The following NRXN3 variants were observed in gnomAD, a reference collection of about 807,000 sequenced individuals.
The protein encoded by NRXN3 is neurexin III.
A neutral mutation model predicts 137.6 loss-of-function variants in NRXN3; 32 were observed. The ratio of observed to expected loss-of-function variants is 0.23; its 90% CI spans 0.18 to 0.31. NRXN3 has a LOEUF of 0.31. NRXN3 is among the 10% of genes least tolerant of loss of function. The pLI is 1.00. For synonymous variants in NRXN3, 798 were observed against 784.5 expected (o/e 1.02, Z -0.29); for missense variants, 1,574 against 2,062.5 (o/e 0.76, Z 4.59).
At chr14:78,847,855 CTT>C (rs537262870) in intron 10 of NRXN3, among the ~76,000 whole-genome samples, 22 of 152,168 alleles carry the variant, frequency 1.4e-4, no homozygotes, top group Non-Finnish European at 2.5e-4. Context: ...TCTATATACA[CTT>C]TTTCAAAGAA....
At chr14:79,727,412 A>T (rs2154068981) in intron 19 of NRXN3, among the ~76,000 whole-genome samples, 1 of 152,294 alleles carries the variant, frequency 6.6e-6, no homozygotes, top group South Asian at 2.1e-4. Context: ...TCCTCTCAAG[A>T]TCTACCCAGT....
chr14:78,252,261 C>T (rs2068753399), intron 2 of NRXN3, among the ~76,000 whole-genome samples: 1 of 151,752 alleles, frequency 6.6e-6, no homozygotes, highest in Non-Finnish European at 1.5e-5. Context: ...TGTGACAAAA[C>T]TTACTTTGCA....
intron 4 of NRXN3, among the ~76,000 whole-genome samples, chr14:78,433,118 C>T (rs968006558): frequency 6.6e-6 from 1 of 152,102 alleles, no homozygotes; most frequent in Admixed American, 6.6e-5. Flanking sequence ...CTGGGAAGAA[C>T]CCCTATCCAA....
chr14:78,232,012 C>A (rs971017365), intron 1 of NRXN3, among the ~76,000 whole-genome samples: 1 of 152,248 alleles, frequency 6.6e-6, no homozygotes, highest in African/African-American at 2.4e-5. Context: ...TCAGCCTTCA[C>A]CCCCATTGTA....
chr14:79,501,356 T>C (rs1218669262), intron 16 of NRXN3, among the ~76,000 whole-genome samples: 1 of 152,134 alleles, frequency 6.6e-6, no homozygotes, highest in East Asian at 1.9e-4. Flanking sequence ...GAAGATCTTG[T>C]TCTGTTTTTA....
intron 16 of NRXN3, among the ~76,000 whole-genome samples, chr14:79,616,100 C>T (rs753293136): frequency 1.3e-5 from 2 of 151,942 alleles, no homozygotes; most frequent in East Asian, 1.9e-4. Context: ...CAATTGACAA[C>T]GGGGAGCTCT....
At chr14:78,534,505 T>C (rs2096511511) in intron 4 of NRXN3, among the ~76,000 whole-genome samples, 1 of 152,206 alleles carries the variant, frequency 6.6e-6, no homozygotes, top group South Asian at 2.1e-4. Flanking sequence ...GAATATTCTA[T>C]CTACAGGGCA....
At chr14:79,219,682 A>C (rs2069180564) in intron 15 of NRXN3, among the ~76,000 whole-genome samples, 1 of 152,206 alleles carries the variant, frequency 6.6e-6, no homozygotes, top group Non-Finnish European at 1.5e-5. Flanking sequence ...GGAAAATGCA[A>C]AGATTCACAA....
At chr14:79,019,229 G>C (rs1190294161) in intron 15 of NRXN3, among the ~76,000 whole-genome samples, 1 of 152,046 alleles carries the variant, frequency 6.6e-6, no homozygotes, top group East Asian at 1.9e-4. Context: ...TGGTCTAGAG[G>C]GTGAGATGAG....
chr14:78,933,065 G>T (rs1327003073), intron 10 of NRXN3, among the ~76,000 whole-genome samples: 1 of 152,100 alleles, frequency 6.6e-6, no homozygotes, highest in African/African-American at 2.4e-5. Flanking sequence ...CATCCTTCAT[G>T]AGCTGATGAT....
At chr14:79,680,518 G>T (rs957352826) in intron 17 of NRXN3, among the ~76,000 whole-genome samples, 2 of 151,934 alleles carry the variant, frequency 1.3e-5, no homozygotes, top group Non-Finnish European at 2.9e-5. Flanking sequence ...TGTTTCTATT[G>T]TTGTGTGTTA....
At chr14:78,429,977 T>C (rs1480292410) in intron 4 of NRXN3, among the ~76,000 whole-genome samples, 1 of 152,226 alleles carries the variant, frequency 6.6e-6, no homozygotes, top group African/African-American at 2.4e-5. Flanking sequence ...GTCATGCCTG[T>C]AATCCCAGCA....
intron 15 of NRXN3, among the ~76,000 whole-genome samples, chr14:79,058,889 T>A (rs1188057698): frequency 6.6e-6 from 1 of 152,184 alleles, no homozygotes; most frequent in East Asian, 1.9e-4. Context: ...AGGTCCAAGA[T>A]TGCTTTCCAT....
Position 79,624,601 on chromosome 14 carries a change from G to T in NRXN3, c.3445-39177G>T, listed in dbSNP as rs77801185. 6.7e-3 allele frequency among the ~76,000 whole-genome samples: 1,024 copies of T among 151,968 alleles called. 65 individuals are homozygous for T. The East Asian group carries it at 0.16, about 24-fold the overall frequency. ...CAGTAGTAGTAACTATAGTTATCAT[G>T]CTGTACCTTAAGTCTCTAGATATTC... On this transcript the variant is annotated intron_variant, in intron 16 of 20. Transcript: ENST00000335750.
At chr14:79,017,939 C>A (rs1594958742) in intron 15 of NRXN3, among the ~76,000 whole-genome samples, 1 of 151,778 alleles carries the variant, frequency 6.6e-6, no homozygotes, top group East Asian at 1.9e-4. Context: ...CTGGTGGTCA[C>A]CTTTTATAGT....
At chr14:79,660,543 CT>C (rs1324526915) in intron 16 of NRXN3, among the ~76,000 whole-genome samples, 3 of 152,168 alleles carry the variant, frequency 2.0e-5, no homozygotes, top group Non-Finnish European at 4.4e-5. Context: ...GAGATTAAAT[CT>C]TTTCTTTTCC....
chr14:79,589,096 A>T (rs2097783112), intron 16 of NRXN3, among the ~76,000 whole-genome samples: 2 of 152,116 alleles, frequency 1.3e-5, no homozygotes. Context: ...CTCTACAAAA[A>T]ATATAAAAAT....
chr14:79,404,158 TAA>T (rs1332320833), intron 15 of NRXN3, among the ~76,000 whole-genome samples: 1 of 151,982 alleles, frequency 6.6e-6, no homozygotes, highest in African/African-American at 2.4e-5. Context: ...ATCAACAGAG[TAA>T]AGAGACAACC....
intron 15 of NRXN3, among the ~76,000 whole-genome samples, chr14:79,462,126 C>A (rs575588422): frequency 1.3e-5 from 2 of 152,258 alleles, no homozygotes; most frequent in African/African-American, 4.8e-5. Context: ...GTAATCCCAG[C>A]ACTTTGGGAG....
Sources: allele counts gnomAD v4.1 joint callset (sites outside exome capture counted in the v4.1 genomes callset), GRCh38; gene constraint gnomAD v4.1.1; transcripts MANE v1.5; gene names NCBI Gene and HGNC (gene_info 2026-07-23, HGNC 2026-07-21).